The following CACNA1D variants were observed in gnomAD, a reference collection of about 807,000 sequenced individuals.
The protein encoded by CACNA1D is calcium voltage-gated channel subunit alpha1 D.
A neutral mutation model predicts 257.1 loss-of-function variants in CACNA1D; 55 were observed. The observed-to-expected ratio is 0.21, with a 90% CI of 0.17 to 0.27. CACNA1D has a LOEUF of 0.27. Ranked by LOEUF, CACNA1D falls within the 10% of genes least tolerant of loss-of-function variation. The pLI is 1.00. For synonymous variants in CACNA1D, 980 were observed against 1,014.9 expected (o/e 0.97, Z 0.65); for missense variants, 1,876 against 2,784.0 (o/e 0.67, Z 7.34).
At chr3:53,648,040 A>T (rs2094041269) in intron 3 of CACNA1D, among the ~76,000 whole-genome samples, 1 of 152,208 alleles carries the variant, frequency 6.6e-6, no homozygotes, top group African/African-American at 2.4e-5. Context: ...TTGTGGCAAA[A>T]TTTCTTCTAA....
intron 39 of CACNA1D, among the ~76,000 whole-genome samples, chr3:53,783,755 T>C (rs558945183): frequency 6.6e-6 from 1 of 152,370 alleles, no homozygotes; most frequent in Non-Finnish European, 1.5e-5. Flanking sequence ...GTCTTTCCTC[T>C]TTTATCCTTC....
chr3:53,599,590 C>A (rs868616910), intron 3 of CACNA1D, among the ~76,000 whole-genome samples: 1 of 152,166 alleles, frequency 6.6e-6, no homozygotes, highest in Non-Finnish European at 1.5e-5. Flanking sequence ...TGACAATTTA[C>A]TTCCCATCTC....
chr3:53,785,108 G>C (rs947934188), intron 39 of CACNA1D, among the ~76,000 whole-genome samples: 3 of 152,198 alleles, frequency 2.0e-5, no homozygotes, highest in Admixed American at 6.5e-5. Context: ...GCTAGAGCCA[G>C]AGCTGATATT....
chr3:53,743,457 C>G (rs1419004144), intron 22 of CACNA1D, among the ~76,000 whole-genome samples: 2 of 152,248 alleles, frequency 1.3e-5, no homozygotes, highest in African/African-American at 2.4e-5. Context: ...CATCCTCTCT[C>G]AGGAACCCTG....
intron 3 of CACNA1D, among the ~76,000 whole-genome samples, chr3:53,650,450 C>T (rs772253509): frequency 5.3e-5 from 8 of 152,238 alleles, no homozygotes; most frequent in Non-Finnish European, 7.3e-5. Context: ...AAGCATGCTG[C>T]GTTTTGCAAA....
chr3:53,748,774 A>G (rs2108861308), intron 26 of CACNA1D, among the ~76,000 whole-genome samples: 1 of 152,310 alleles, frequency 6.6e-6, no homozygotes, highest in South Asian at 2.1e-4. Flanking sequence ...AATCTGCATC[A>G]GAATGGGGAT....
At chr3:53,788,885 CATT>C (rs1404667969) in intron 40 of CACNA1D, among the ~76,000 whole-genome samples, 1 of 152,128 alleles carries the variant, frequency 6.6e-6, no homozygotes, top group African/African-American at 2.4e-5. Flanking sequence ...GATGCAGGGT[CATT>C]TATACTTTTT....
chr3:53,741,458 T>C lies in CACNA1D; in HGVS notation c.2811+1119T>C, dbSNP rs147422811. On this transcript the variant is annotated intron_variant, in intron 21 of 47. Coordinates refer to ENST00000350061, the MANE Select transcript of CACNA1D (RefSeq NM_001128840.3). ...GTCAGGGAATGAGGTGGTTAGTTTT[T>C]TGAGGTTGGTTTTTTTATTTTTTTA... 3.3e-3 allele frequency among the ~76,000 whole-genome samples: 496 copies of C among 152,342 alleles called. 6 individuals carry two copies. Among genetic ancestry groups the C allele is most frequent in the East Asian group, 0.018 (92 of 5,190 alleles).
chr3:53,808,934 C>A, intron 46 of CACNA1D, 164 bp downstream of exon 46: 1 of 713,002 alleles, frequency 1.4e-6, no homozygotes, highest in Non-Finnish European at 2.3e-6. Flanking sequence ...TAGCTATGGC[C>A]ATGAGTCCCA....
At chr3:53,517,490 T>C (rs1407445998) in intron 3 of CACNA1D, among the ~76,000 whole-genome samples, 1 of 150,530 alleles carries the variant, frequency 6.6e-6, no homozygotes, top group Non-Finnish European at 1.5e-5. Context: ...TTTCTTTCTT[T>C]TTTTTTTTTT....
intron 37 of CACNA1D, 100 bp downstream of exon 37, chr3:53,777,056 C>A (rs2095401837): frequency 1.2e-6 from 1 of 861,548 alleles, no homozygotes; most frequent in Non-Finnish European, 2.0e-6. Flanking sequence ...CTGTCAGTTG[C>A]TAGGGATGCA....
intron 3 of CACNA1D, among the ~76,000 whole-genome samples, chr3:53,619,201 C>CA (rs1461634491): frequency 6.6e-6 from 1 of 152,198 alleles, no homozygotes; most frequent in Non-Finnish European, 1.5e-5. Flanking sequence ...AAGCCTTGCC[C>CA]AGGGCTTTCC....
At chr3:53,539,310 A>G (rs1261791493) in intron 3 of CACNA1D, among the ~76,000 whole-genome samples, 1 of 151,912 alleles carries the variant, frequency 6.6e-6, no homozygotes, top group Non-Finnish European at 1.5e-5. Flanking sequence ...GGTTTTCACC[A>G]TGTTAGCCAG....
chr3:53,578,977 C>T (rs765330624), intron 3 of CACNA1D, among the ~76,000 whole-genome samples: 10 of 152,052 alleles, frequency 6.6e-5, no homozygotes, highest in African/African-American at 1.2e-4. Context: ...AGGGCCCAGA[C>T]GAGGATGGGT....
chr3:53,604,327 C>T (rs188490781), intron 3 of CACNA1D, among the ~76,000 whole-genome samples: 2 of 152,312 alleles, frequency 1.3e-5, no homozygotes, highest in East Asian at 3.9e-4. Flanking sequence ...ACTGAGCAGG[C>T]ATTTGGATGA....
intron 3 of CACNA1D, among the ~76,000 whole-genome samples, chr3:53,606,534 A>C (rs1305832751): frequency 6.6e-6 from 1 of 152,226 alleles, no homozygotes; most frequent in Non-Finnish European, 1.5e-5. Context: ...TGGAAATGAC[A>C]GGCACCTAGA....
chr3:53,660,036 A>G, intron 4 of CACNA1D, 97 bp from the exon 5 acceptor site: 2 of 1,093,620 alleles, frequency 1.8e-6, no homozygotes, highest in Non-Finnish European at 2.7e-6. Context: ...GCAGCCACAC[A>G]GAATTAGCCC....
intron 29 of CACNA1D, among the ~76,000 whole-genome samples, chr3:53,757,078 A>G (rs772275718): frequency 1.1e-4 from 16 of 152,220 alleles, no homozygotes; most frequent in Non-Finnish European, 1.9e-4. Context: ...TGCTGTGCAG[A>G]GCTGATGCAG....
chr3:53,703,163 C>T (rs2094645081), intron 9 of CACNA1D, among the ~76,000 whole-genome samples: 1 of 152,208 alleles, frequency 6.6e-6, no homozygotes, highest in South Asian at 2.1e-4. Flanking sequence ...TGTGGTTTCC[C>T]TCACCTCAGA....
Sources: gnomAD v4.1 joint callset for allele counts (sites outside exome capture counted in the v4.1 genomes callset) on GRCh38, gnomAD v4.1.1 for gene constraint, MANE v1.5 for transcripts, NCBI Gene and HGNC (gene_info 2026-07-23, HGNC 2026-07-21) for gene names.